Variants in LRRC49 observed in about 807,000 individuals in gnomAD.
LRRC49 encodes leucine rich repeat containing 49, also known as leucine-rich repeat-containing protein 49.
A neutral mutation model predicts 83.3 loss-of-function variants in LRRC49; 50 were observed. That is an observed-to-expected ratio of 0.60 (90% CI 0.48 to 0.76). LRRC49 has a LOEUF of 0.76. Ranked by LOEUF, LRRC49 falls within the 30% of genes least tolerant of loss-of-function variation. The pLI is 0.00. For missense variants in LRRC49, 704 were observed against 809.1 expected (o/e 0.87, Z 1.58); for synonymous variants, 286 against 283.3 (o/e 1.01, Z -0.10).
chr15:70,976,182 A>G (rs1194829057), intron 9 of LRRC49, among the ~76,000 whole-genome samples: 1 of 152,182 alleles, frequency 6.6e-6, no homozygotes, highest in African/African-American at 2.4e-5. Context: ...TGTTCTGACT[A>G]TTTCCCTCCC....
At position 71,050,539 on chromosome 15, in the gene LRRC49, G is replaced by T. The variant is rs1431660839; in HGVS notation, c.*927G>T. ...CATAGCTAGAGATGATGCCACTTCAGAAAAACAATCTTAGTCAATAAATAG... is the reference window on the plus strand; with the variant it reads ...CATAGCTAGAGATGATGCCACTTCATAAAAACAATCTTAGTCAATAAATAG... On this transcript the variant is annotated 3_prime_UTR_variant, in exon 16 of 16. Coordinates refer to ENST00000260382, the MANE Select transcript of LRRC49 (RefSeq NM_017691.5). 6.6e-6 allele frequency: 1 copy of T among 152,106 alleles called. No homozygotes were observed. The highest frequency in any genetic ancestry group is 1.5e-5 in the Non-Finnish European group (1 of 68,028). The allele number at this position is 152,106 out of a possible 1,614,324, so 9.4% of individuals were successfully genotyped here.
upstream of LRRC49, chr15:70,892,804 T>G (rs2033638848): frequency 1.9e-6 from 3 of 1,613,128 alleles, no homozygotes; most frequent in African/African-American, 4.0e-5. Flanking sequence ...GCAGGTTGCC[T>G]GGGAGATGAC....
chr15:70,870,789 C>T (rs971238656), intron 1 of LRRC49, among the ~76,000 whole-genome samples: 18 of 152,184 alleles, frequency 1.2e-4, no homozygotes, highest in Non-Finnish European at 2.5e-4. Context: ...CGTGCCCAGC[C>T]AGCAGTAGGT....
intron 1 of LRRC49, among the ~76,000 whole-genome samples, chr15:70,863,010 G>T (rs1448226295): frequency 6.6e-6 from 1 of 152,196 alleles, no homozygotes; most frequent in South Asian, 2.1e-4. Context: ...CCTAAACTCT[G>T]CTCACCAAGC....
At chr15:70,853,839 G>C (rs1450054517) in intron 1 of LRRC49, 3 of 1,195,380 alleles carry the variant, frequency 2.5e-6, no homozygotes, top group Middle Eastern at 6.5e-4. Flanking sequence ...ACTCGCGCGC[G>C]GCCCGGCGCC....
chr15:70,872,896 T>G (rs2033079703), intron 1 of LRRC49: 1 of 175,652 alleles, frequency 5.7e-6, no homozygotes, highest in South Asian at 1.6e-4. Flanking sequence ...TTTTTTTTTT[T>G]TTTTTTTTTA....
At chr15:71,025,342 G>A (rs1282791452) in intron 14 of LRRC49, among the ~76,000 whole-genome samples, 1 of 152,116 alleles carries the variant, frequency 6.6e-6, no homozygotes, top group Admixed American at 6.6e-5. Flanking sequence ...GGCTAACAGT[G>A]GACCTCTCAG....
chr15:70,948,430 T>C (rs2036089419), intron 8 of LRRC49, among the ~76,000 whole-genome samples: 2 of 151,942 alleles, frequency 1.3e-5, no homozygotes, highest in Admixed American at 6.6e-5. Flanking sequence ...TGTTAAAATG[T>C]ACTTGTATTA....
At chr15:70,947,122 A>T (rs931244040) in intron 8 of LRRC49, among the ~76,000 whole-genome samples, 1 of 152,078 alleles carries the variant, frequency 6.6e-6, no homozygotes, top group Non-Finnish European at 1.5e-5. Context: ...TATTCTTCAA[A>T]ATGACCTACT....
chr15:71,023,822 G>A (rs1173517119), intron 14 of LRRC49, among the ~76,000 whole-genome samples: 1 of 152,188 alleles, frequency 6.6e-6, no homozygotes, highest in African/African-American at 2.4e-5. Context: ...TGAGTTCCTC[G>A]GGGGAGAGGC....
Position 71,009,880 on chromosome 15 carries a change from A to G in LRRC49, c.1481A>G (p.Asp494Gly). The G allele has an allele frequency of 6.2e-7, 1 of 1,612,468 alleles. No homozygotes were observed. Among genetic ancestry groups the G allele is most frequent in the Non-Finnish European group, 8.5e-7 (1 of 1,178,780 alleles). ...GCACTAGCCCAACTCCGTCGTATTG[A>G]CCAGTTGACAATTGATCCTCAAGGA... ...FNALAQLRRI[D>G]QLTIDPQGNP... The change falls in exon 13 of 16, where the codon GAC becomes GGC. Residue 494 changes from aspartate to glycine, a missense_variant. Asp to Gly is a moderately conservative substitution (Grantham distance 94, BLOSUM62 -1). Around this residue, in one of 3 missense-constraint regions of LRRC49, gnomAD observed 275 missense variants for 338.0 expected, o/e 0.81. Coordinates refer to ENST00000260382, the MANE Select transcript of LRRC49 (RefSeq NM_017691.5).
At position 70,919,197 on chromosome 15, in the gene LRRC49, A is replaced by C; in HGVS notation, c.711+4A>C. On this transcript the variant is annotated splice_donor_region_variant and intron_variant, in intron 7 of 15. Coordinates refer to ENST00000260382, the MANE Select transcript of LRRC49 (RefSeq NM_017691.5). ...ACACAATCAAATCACTTTCGTGGTGAGTATTAAAATGGAGTTGATATGTAC... is the reference window on the plus strand; with the variant it reads ...ACACAATCAAATCACTTTCGTGGTGCGTATTAAAATGGAGTTGATATGTAC... The C allele has an allele frequency of 6.2e-7, 1 of 1,607,616 alleles. No homozygotes were observed. The highest frequency in any genetic ancestry group is 1.1e-5 in the South Asian group (1 of 89,386).
At chr15:70,999,577 C>T (rs2038191426) in intron 11 of LRRC49, among the ~76,000 whole-genome samples, 2 of 152,202 alleles carry the variant, frequency 1.3e-5, no homozygotes, top group South Asian at 4.1e-4. Context: ...CCTTAACCTT[C>T]ATTCCTGCTT....
At chr15:70,932,165 T>G (rs2035431869) in intron 7 of LRRC49, among the ~76,000 whole-genome samples, 1 of 152,162 alleles carries the variant, frequency 6.6e-6, no homozygotes, top group African/African-American at 2.4e-5. Context: ...GTGTAATGGG[T>G]AGTAAACAAG....
At chr15:70,978,561 A>G (rs2037288374) in intron 9 of LRRC49, among the ~76,000 whole-genome samples, 1 of 152,204 alleles carries the variant, frequency 6.6e-6, no homozygotes, top group Non-Finnish European at 1.5e-5. Flanking sequence ...ATGAATAACC[A>G]TCAGGTTTTA....
At chr15:70,980,242 A>G in intron 10 of LRRC49, 58 bp downstream of exon 10, 3 of 1,224,214 alleles carry the variant, frequency 2.5e-6, no homozygotes, top group South Asian at 2.8e-5. Context: ...CATACCCCAA[A>G]GCCAGCTAGC....
chr15:70,942,926 T>C (rs2035874057), intron 8 of LRRC49, among the ~76,000 whole-genome samples: 1 of 152,238 alleles, frequency 6.6e-6, no homozygotes, highest in Non-Finnish European at 1.5e-5. Flanking sequence ...TTTAAAAATC[T>C]ATATAAATAG....
At chr15:70,901,608 C>G (rs989448280) in intron 4 of LRRC49, among the ~76,000 whole-genome samples, 1 of 152,136 alleles carries the variant, frequency 6.6e-6, no homozygotes, top group African/African-American at 2.4e-5. Flanking sequence ...AATTGCAACC[C>G]CTTCCACACT....
At chr15:71,002,723 T>G (rs1458188328) in intron 11 of LRRC49, among the ~76,000 whole-genome samples, 2 of 152,044 alleles carry the variant, frequency 1.3e-5, no homozygotes, top group Non-Finnish European at 2.9e-5. Context: ...AAAAGAATCT[T>G]CCGAAATATT....
Sources: allele counts gnomAD v4.1 joint callset (sites outside exome capture counted in the v4.1 genomes callset), GRCh38; gene constraint gnomAD v4.1.1; regional missense constraint gnomAD v4.1.1; transcripts MANE v1.5; gene names NCBI Gene and HGNC (gene_info 2026-07-23, HGNC 2026-07-21).